N4BP2L2: variants seen among roughly 807,000 people sequenced by gnomAD.
N4BP2L2 encodes the protein NEDD4 binding protein 2 like 2.
N4BP2L2 carries 50 observed loss-of-function variants against 56.2 expected under a neutral mutation model. The observed-to-expected ratio is 0.89, with a 90% CI of 0.71 to 1.13. The LOEUF is 1.13. Among genes scored for constraint, N4BP2L2 ranks in the 50% most tolerant of loss-of-function variants. The pLI, the probability that N4BP2L2 is intolerant of heterozygous loss-of-function variation, is 0.00. For synonymous variants in N4BP2L2, 203 were observed against 223.6 expected (o/e 0.91, Z 0.82); for missense variants, 689 against 693.8 (o/e 0.99, Z 0.08).
intron 6 of N4BP2L2, among the ~76,000 whole-genome samples, chr13:32,500,482 A>G (rs1325757388): frequency 6.7e-6 from 1 of 149,794 alleles, no homozygotes; most frequent in Non-Finnish European, 1.5e-5. Flanking sequence ...CCATAATCCC[A>G]GCACTTAGGG....
At chr13:32,487,100 A>G (rs207650) in intron 6 of N4BP2L2, among the ~76,000 whole-genome samples, 58,451 of 152,010 alleles carry the variant, frequency 0.38, 11,372 homozygotes, top group East Asian at 0.47. Context: ...GCTGAGGAAG[A>G]AGGATCACAT....
chr13:32,527,266 G>A, intron 3 of N4BP2L2, 142 bp downstream of exon 3: 3 of 815,420 alleles, frequency 3.7e-6, no homozygotes, highest in Non-Finnish European at 5.6e-6. Flanking sequence ...ACCTCTAACA[G>A]ATGGAGAAAT....
intron 6 of N4BP2L2, among the ~76,000 whole-genome samples, chr13:32,457,033 G>A (rs2079091395): frequency 6.6e-6 from 1 of 152,126 alleles, no homozygotes; most frequent in Non-Finnish European, 1.5e-5. Flanking sequence ...CAGCTACTTG[G>A]GAGGCTGAGG....
At chr13:32,489,821 A>T (rs748674242) in intron 6 of N4BP2L2, among the ~76,000 whole-genome samples, 5 of 152,046 alleles carry the variant, frequency 3.3e-5, no homozygotes, top group African/African-American at 1.2e-4. Context: ...AACACAATAC[A>T]TTGGCAACAT....
At chr13:32,527,675 T>A in intron 2 of N4BP2L2, 143 bp from the exon 3 acceptor site, 1 of 884,034 alleles carries the variant, frequency 1.1e-6, no homozygotes, top group Non-Finnish European at 1.7e-6. Flanking sequence ...CCTGAAAGTA[T>A]ATCACGAACA....
At chr13:32,500,607 A>G (rs1333465072) in intron 6 of N4BP2L2, among the ~76,000 whole-genome samples, 1 of 149,180 alleles carries the variant, frequency 6.7e-6, no homozygotes, top group Non-Finnish European at 1.5e-5. Flanking sequence ...AGTCCTAACC[A>G]CTCAAGAGGT....
chr13:32,520,296 C>T (rs995467193), intron 5 of N4BP2L2, among the ~76,000 whole-genome samples: 2 of 150,854 alleles, frequency 1.3e-5, no homozygotes, highest in Non-Finnish European at 2.9e-5. Context: ...TGAATTTTAT[C>T]GCAATAAAGT....
intron 6 of N4BP2L2, among the ~76,000 whole-genome samples, chr13:32,489,234 C>G (rs567476648): frequency 2.0e-5 from 3 of 152,316 alleles, no homozygotes; most frequent in South Asian, 2.1e-4. Context: ...TCATCAGCTA[C>G]GAATTAGAAT....
chr13:32,500,546 CAAAAAAAA>C (rs1169575568), intron 6 of N4BP2L2, among the ~76,000 whole-genome samples: 3 of 52,200 alleles, frequency 5.7e-5, no homozygotes, highest in African/African-American at 1.0e-4. Flanking sequence ...CCTGTCTCTA[CAAAAAAAA>C]AAAAAAAAAA....
intron 6 of N4BP2L2, among the ~76,000 whole-genome samples, chr13:32,479,900 G>A (rs2084231367): frequency 6.6e-6 from 1 of 151,804 alleles, no homozygotes; most frequent in South Asian, 2.1e-4. Flanking sequence ...GAGAGAGACA[G>A]AGACACAGAG....
At chr13:32,535,941 T>C in exon 2 of N4BP2L2, 1 of 1,614,098 alleles carries the variant, frequency 6.2e-7, no homozygotes, top group Non-Finnish European at 8.5e-7. Context: ...CAGAAACCAT[T>C]ACTCACATAT....
intron 5 of N4BP2L2, among the ~76,000 whole-genome samples, chr13:32,519,803 G>A (rs2050287414): frequency 2.0e-5 from 3 of 151,928 alleles, no homozygotes; most frequent in Admixed American, 2.0e-4. Context: ...CAAAAATCAA[G>A]CTACACCAGG....
At chr13:32,501,582 AG>A (rs1469375379) in intron 6 of N4BP2L2, among the ~76,000 whole-genome samples, 1 of 152,106 alleles carries the variant, frequency 6.6e-6, no homozygotes, top group Non-Finnish European at 1.5e-5. Context: ...TGGGAGGCCG[AG>A]GCAGGCGGAT....
chr13:32,502,635 G>C (rs1202802671), intron 6 of N4BP2L2, among the ~76,000 whole-genome samples: 1 of 152,140 alleles, frequency 6.6e-6, no homozygotes, highest in Admixed American at 6.5e-5. Context: ...TAAGTGACTT[G>C]ATCAAGTGCA....
exon 2 of N4BP2L2, chr13:32,536,453 C>T (rs771646080): frequency 6.2e-7 from 1 of 1,613,248 alleles, no homozygotes; most frequent in Non-Finnish European, 8.5e-7. Context: ...TTCTTTACAA[C>T]TGTTCTCAAA....
chr13:32,460,412 ACT>A (rs1198369898), intron 6 of N4BP2L2, among the ~76,000 whole-genome samples: 1 of 152,158 alleles, frequency 6.6e-6, no homozygotes, highest in African/African-American at 2.4e-5. Flanking sequence ...AAACCTAAAG[ACT>A]CTACCACAAA....
At chr13:32,513,606 T>TATATATACAATTATATATACAAGTTA (rs2048585864) in exon 6 of N4BP2L2, 2 of 152,206 alleles carry the variant, frequency 1.3e-5, no homozygotes, top group Non-Finnish European at 2.9e-5. Context: ...TTATAAATTG[T>TATATATACAATTATATATACAAGTTA]AGCTCCTAAA....
chr13:32,475,475 G>A (rs2083144497), intron 6 of N4BP2L2, among the ~76,000 whole-genome samples: 1 of 152,230 alleles, frequency 6.6e-6, no homozygotes, highest in South Asian at 2.1e-4. Flanking sequence ...AGGAGGCGGT[G>A]TCTGATTTAC....
At chr13:32,438,171 G>A (rs2075740016) in intron 8 of N4BP2L2, among the ~76,000 whole-genome samples, 1 of 151,926 alleles carries the variant, frequency 6.6e-6, no homozygotes, top group South Asian at 2.1e-4. Context: ...AATATATAAT[G>A]CATTATTGTT....
Sources: gnomAD v4.1 joint callset for allele counts (sites outside exome capture counted in the v4.1 genomes callset) on GRCh38, gnomAD v4.1.1 for gene constraint, MANE v1.5 for transcripts, NCBI Gene and HGNC (gene_info 2026-07-23, HGNC 2026-07-21) for gene names.